B4GALNT3: variants seen among roughly 807,000 people sequenced by gnomAD.
B4GALNT3 encodes beta-1,4-N-acetylgalactosaminyltransferase 3.
Under a neutral mutation model 120.2 loss-of-function variants are expected in B4GALNT3, and 86 were observed. That is an observed-to-expected ratio of 0.72 (90% CI 0.60 to 0.86). B4GALNT3 has a LOEUF of 0.86. B4GALNT3 is among the 40% of genes least tolerant of loss of function. The probability of loss-of-function intolerance (pLI) is 0.00; values close to 1 mark genes in which losing one functional copy is unlikely to be tolerated. For missense variants in B4GALNT3, 1,167 were observed against 1,298.9 expected (o/e 0.90, Z 1.56); for synonymous variants, 518 against 510.4 (o/e 1.01, Z -0.20).
chr12:521,210 G>A (rs1254886653), intron 1 of B4GALNT3, among the ~76,000 whole-genome samples: 3 of 152,094 alleles, frequency 2.0e-5, no homozygotes, highest in South Asian at 2.1e-4. Flanking sequence ...CAGGACTCTC[G>A]TCATCACCCT....
chr12:489,865 GTAAAAC>G (rs1055981349), intron 1 of B4GALNT3, among the ~76,000 whole-genome samples: 2 of 152,282 alleles, frequency 1.3e-5, no homozygotes, highest in African/African-American at 4.8e-5. Context: ...ATTCGGGGTG[GTAAAAC>G]ACACCTTAAC....
chr12:491,238 T>C (rs1946337111), intron 1 of B4GALNT3, among the ~76,000 whole-genome samples: 1 of 152,008 alleles, frequency 6.6e-6, no homozygotes, highest in Admixed American at 6.6e-5. Flanking sequence ...TTAATGTAAT[T>C]AATCACATAG....
At chr12:557,801 T>G (rs1190687791) in intron 16 of B4GALNT3, 40 bp downstream of exon 16, 5 of 1,576,970 alleles carry the variant, frequency 3.2e-6, no homozygotes, top group Non-Finnish European at 4.3e-6. Context: ...ATGGGCCACG[T>G]CCATCCTAAA....
At position 512,649 on chromosome 12, in the gene B4GALNT3, C is replaced by CCTT. The variant is rs1381934064; in HGVS notation, c.170-22515_170-22513dup. ...TCCACCTTCCGCCTTCCACCTTCCA[C>CCTT]CTTCCACCTTCTTCCACCTTCCACC... is the stretch of plus-strand genomic sequence containing the variant. On this transcript the variant is annotated intron_variant, in intron 1 of 19. Transcript: ENST00000266383. 6.3e-3 allele frequency among the ~76,000 whole-genome samples: 859 copies of CCTT among 135,636 alleles called. 39 individuals are homozygous for CCTT. Among genetic ancestry groups the CCTT allele is most frequent in the African/African-American group, 0.022 (778 of 35,350 alleles). 89.0% of individuals were successfully genotyped at this position (135,636 alleles called of 152,430 possible).
intron 1 of B4GALNT3, among the ~76,000 whole-genome samples, chr12:521,856 T>TTA (rs2015055781): frequency 6.6e-6 from 1 of 152,222 alleles, no homozygotes; most frequent in African/African-American, 2.4e-5. Flanking sequence ...AGCAGGTAAC[T>TTA]TAGCCTCTCT....
Position 556,787 on chromosome 12 carries a change from C to G in B4GALNT3, c.2301C>G (p.Thr767=), listed in dbSNP as rs1172857128. 6.2e-7 allele frequency: 1 copy of G among 1,613,848 alleles called. No homozygotes were observed. Among genetic ancestry groups the G allele is most frequent in the East Asian group, 2.2e-5 (1 of 44,882 alleles). Residue 767 remains threonine, a synonymous_variant, in exon 15 of 20, where the codon ACC becomes ACG. Coordinates refer to ENST00000266383, the MANE Select transcript of B4GALNT3 (RefSeq NM_173593.4). ...PHNRRRQVLN[T]RAQEPKLCWP... ...ACCGTAGGAGACAGGTCCTGAATAC[C>G]CGGGCCCAAGAGCCCAAGCTGTGCT...
rs537055271 is a variant in B4GALNT3 at position 511,646 on chromosome 12, C to T, written c.170-23520C>T. ...CCTTCGACCTTCCACCTTCCACCTT[C>T]TTCCACCTTCGAGCTTCCACCTTCC... On this transcript the variant is annotated intron_variant, in intron 1 of 19. Coordinates refer to ENST00000266383, the MANE Select transcript of B4GALNT3 (RefSeq NM_173593.4). Among the ~76,000 whole-genome samples the T allele has an allele frequency of 2.3e-4, 14 of 61,914 alleles. No homozygotes were observed. In the South Asian group the frequency reaches 2.9e-3, roughly 13 times the overall value. The allele number at this position is 61,914 out of a possible 152,430, so 40.6% of individuals were successfully genotyped here. A position where few individuals can be genotyped will look rare whatever the true frequency, so the allele number is the denominator to read the frequency against.
intron 1 of B4GALNT3, among the ~76,000 whole-genome samples, chr12:519,299 G>A (rs1946684564): frequency 6.6e-6 from 1 of 152,148 alleles, no homozygotes; most frequent in Admixed American, 6.5e-5. Flanking sequence ...TGTATTACTA[G>A]GATACCGGCA....
intron 1 of B4GALNT3, among the ~76,000 whole-genome samples, chr12:495,475 A>G (rs547431924): frequency 1.2e-4 from 18 of 152,332 alleles, no homozygotes; most frequent in African/African-American, 4.3e-4. Context: ...GACCTCAGGC[A>G]TGCAATAGGT....
At chr12:521,950 C>T (rs1355946368) in intron 1 of B4GALNT3, among the ~76,000 whole-genome samples, 1 of 150,024 alleles carries the variant, frequency 6.7e-6, no homozygotes, top group Non-Finnish European at 1.5e-5. Flanking sequence ...GAGCCCTACT[C>T]CAGGCCCGCT....
chr12:516,593 A>C (rs1372781114), intron 1 of B4GALNT3, among the ~76,000 whole-genome samples: 1 of 152,222 alleles, frequency 6.6e-6, no homozygotes, highest in East Asian at 1.9e-4. Context: ...TATTTTTGAG[A>C]GTGAAAGCAG....
chr12:503,899 G>C (rs1946468377), intron 1 of B4GALNT3, among the ~76,000 whole-genome samples: 2 of 152,172 alleles, frequency 1.3e-5, no homozygotes, highest in Non-Finnish European at 2.9e-5. Flanking sequence ...TGGATTGCCT[G>C]AGGTCAGGAT....
chr12:556,902 C>T (rs367710828), intron 15 of B4GALNT3, 36 bp downstream of exon 15: 393 of 1,572,080 alleles, frequency 2.5e-4, no homozygotes, highest in South Asian at 3.4e-4. Flanking sequence ...TTCTCAGGGG[C>T]GGGGTCCTCA....
intron 16 of B4GALNT3, 105 bp from the exon 17 acceptor site, chr12:557,911 C>G: frequency 6.8e-7 from 1 of 1,478,892 alleles, no homozygotes; most frequent in South Asian, 1.2e-5. Context: ...TGCCCATAAT[C>G]CCATCCCAGG....
At chr12:461,378 C>G (rs1001710172) in intron 1 of B4GALNT3, among the ~76,000 whole-genome samples, 2 of 152,180 alleles carry the variant, frequency 1.3e-5, no homozygotes, top group African/African-American at 4.8e-5. Flanking sequence ...AGCGTGGTCT[C>G]TTTGCCTTTT....
chr12:477,215 A>G (rs1051274789), intron 1 of B4GALNT3, among the ~76,000 whole-genome samples: 9 of 152,204 alleles, frequency 5.9e-5, no homozygotes, highest in African/African-American at 2.2e-4. Flanking sequence ...TCCTTTTAAC[A>G]TCTGAGTTTC....
intron 1 of B4GALNT3, among the ~76,000 whole-genome samples, chr12:486,612 CT>C (rs1946293224): frequency 6.6e-6 from 1 of 152,188 alleles, no homozygotes; most frequent in African/African-American, 2.4e-5. Context: ...ACACCAGCCC[CT>C]TCTGGTCATC....
chr12:501,495 C>T (rs1045981047), intron 1 of B4GALNT3, among the ~76,000 whole-genome samples: 15 of 152,124 alleles, frequency 9.9e-5, no homozygotes, highest in African/African-American at 3.4e-4. Flanking sequence ...GAGGGAAGAT[C>T]ACTTGAGCCC....
chr12:547,076 T>A (rs1947016889), intron 7 of B4GALNT3, among the ~76,000 whole-genome samples: 1 of 152,124 alleles, frequency 6.6e-6, no homozygotes, highest in Non-Finnish European at 1.5e-5. Context: ...ACGAGTCCCT[T>A]TCCCTTGCGG....
Sources: allele counts gnomAD v4.1 joint callset (sites outside exome capture counted in the v4.1 genomes callset), GRCh38; gene constraint gnomAD v4.1.1; transcripts MANE v1.5; gene names NCBI Gene and HGNC (gene_info 2026-07-23, HGNC 2026-07-21).